C16orf96: variants seen among roughly 807,000 people sequenced by gnomAD.
The protein encoded by C16orf96 is uncharacterized protein C16orf96.
A neutral mutation model predicts 103.6 loss-of-function variants in C16orf96; 108 were observed. The ratio of observed to expected loss-of-function variants is 1.04; its 90% CI spans 0.89 to 1.22. The LOEUF is 1.22. Ranked by LOEUF, C16orf96 falls within the 50% of genes most tolerant of loss-of-function variation. The pLI, the probability that C16orf96 is intolerant of heterozygous loss-of-function variation, is 0.00. For synonymous variants in C16orf96, 566 were observed against 593.5 expected, an observed-to-expected ratio of 0.95 and a Z score of 0.67; for missense variants, 1,586 against 1,464.2, an observed-to-expected ratio of 1.08 and a Z score of -1.36.
intron 1 of C16orf96, 144 bp from the exon 2 acceptor site, chr16:4,571,417 T>C (rs1388216740): frequency 1.6e-6 from 1 of 635,530 alleles, no homozygotes; most frequent in African/African-American, 1.8e-5. Context: ...TAGCATCTCC[T>C]GGTCCCCTTG....
chr16:4,547,649 TTTCCTTCCTTCC>T, the C16orf96 span, among the ~76,000 whole-genome samples: 1 of 119,094 alleles, frequency 8.4e-6, no homozygotes, highest in Non-Finnish European at 1.7e-5. Flanking sequence ...TCTTTCTTTC[TTTCCTTCCTTCC>T]TTCCTTCCTT....
chr16:4,580,003 T>A lies in C16orf96; in HGVS notation c.2242-12T>A. ...AGCAGAGGCCTGGGGTGTCTGTGTC[T>A]CCCCCTTTTAGGAGGAAGAACTTGA... On this transcript the variant is annotated splice_polypyrimidine_tract_variant and intron_variant, in intron 6 of 15. Coordinates refer to ENST00000444310, the MANE Select transcript of C16orf96 (RefSeq NM_001145011.2). 6.5e-7 allele frequency: 1 copy of A among 1,542,654 alleles called. No homozygotes were observed. Among genetic ancestry groups the A allele is most frequent in the Non-Finnish European group, 8.8e-7 (1 of 1,139,172 alleles).
In C16orf96 at chr16:4,574,794, G is replaced by C. The variant is rs1304327005; in HGVS notation, c.606+5G>C. 7.7e-6 allele frequency: 12 copies of C among 1,551,298 alleles called. No individual in the cohort carries two copies. Among genetic ancestry groups the C allele is most frequent in the Non-Finnish European group, 9.6e-6 (11 of 1,146,904 alleles). On this transcript the variant is annotated splice_donor_5th_base_variant and intron_variant, in intron 3 of 15. Coordinates refer to ENST00000444310, the MANE Select transcript of C16orf96 (RefSeq NM_001145011.2). ...GTTGCACTGCAGCGGGAAGTGGTGA[G>C]GGCCACCATCCCTGTCTTCCCCCAC...
chr16:4,564,935 C>T (rs372882180), intron 1 of C16orf96, among the ~76,000 whole-genome samples: 3 of 152,186 alleles, frequency 2.0e-5, no homozygotes, highest in Admixed American at 1.3e-4. Context: ...GTAATGGTAA[C>T]GAACACTCAG....
chr16:4,556,920 A>G lies in C16orf96; in HGVS notation c.420+11A>G. 1 of 1,529,838 alleles carries G rather than the reference A, an allele frequency of 6.5e-7. No homozygotes were observed. The highest frequency in any genetic ancestry group is 8.8e-7 in the Non-Finnish European group (1 of 1,132,560). 94.8% of individuals were successfully genotyped at this position (1,529,838 alleles called of 1,614,324 possible). On this transcript the variant is annotated intron_variant, in intron 1 of 15. Transcript: ENST00000444310. The stretch of plus-strand genomic sequence containing the variant: ...GAAGTCATGGCCAAGGTACGCCCCC[A>G]GCCTCCAGACACTTCTTTTCCTCCC...
intron 9 of C16orf96, among the ~76,000 whole-genome samples, chr16:4,589,645 T>C (rs571810757): frequency 1.3e-5 from 2 of 151,390 alleles, no homozygotes; most frequent in South Asian, 4.2e-4. Context: ...AAGCAACACA[T>C]GAAGAGATTT....
At chr16:4,595,800 G>T (rs1370959771) in intron 14 of C16orf96, among the ~76,000 whole-genome samples, 3 of 151,882 alleles carry the variant, frequency 2.0e-5, no homozygotes, top group African/African-American at 7.3e-5. Flanking sequence ...TCCAACTCCC[G>T]GGTTCAAGCG....
chr16:4,598,785 C>T (rs1225439854), intron 14 of C16orf96, among the ~76,000 whole-genome samples: 2 of 152,158 alleles, frequency 1.3e-5, no homozygotes, highest in African/African-American at 4.8e-5. Context: ...TTCAAAGAGC[C>T]TTCTTTTCTT....
the C16orf96 span, among the ~76,000 whole-genome samples, chr16:4,547,209 A>G: frequency 6.6e-6 from 1 of 152,174 alleles, no homozygotes; most frequent in Non-Finnish European, 1.5e-5. Flanking sequence ...ATCTTGGCTC[A>G]CTGGAACCTC....
At chr16:4,549,466 C>G in the C16orf96 span, among the ~76,000 whole-genome samples, 13 of 135,352 alleles carry the variant, frequency 9.6e-5, no homozygotes, top group Admixed American at 9.2e-4. Flanking sequence ...GAGCAAGACT[C>G]TGTCTAAAAA....
rs1223299965 is a variant in C16orf96, at chr16:4,575,559, C to T, written c.1079C>T (p.Pro360Leu). 1 of 1,534,112 alleles carries T rather than the reference C, an allele frequency of 6.5e-7. No homozygotes were observed. Among genetic ancestry groups the T allele is most frequent in the Non-Finnish European group, 8.8e-7 (1 of 1,141,576 alleles). Reference sequence around the variant, plus strand: ...CCTGTCCCAGGGCCCAGTGTGACACCTGGGTCCTTGCCAGCACCTTGGCCT... The same window carrying T: ...CCTGTCCCAGGGCCCAGTGTGACACTTGGGTCCTTGCCAGCACCTTGGCCT... ...LGPVPGPSVTPGSLPAPWPVL... is the reference protein window; with the variant it reads ...LGPVPGPSVTLGSLPAPWPVL... Residue 360 changes from proline to leucine, a missense_variant, in exon 5 of 16, where the codon CCT becomes CTT. Transcript: ENST00000444310.
intron 1 of C16orf96, chr16:4,559,909 A>G (rs1333722949): frequency 1.3e-5 from 2 of 152,254 alleles, no homozygotes; most frequent in Non-Finnish European, 2.9e-5. Context: ...AGGGGGGAAC[A>G]GAGAGAGACT....
rs2059489044 is a variant in C16orf96, at chr16:4,575,283, C to T, written c.803C>T (p.Ser268Phe). ...GAAGCTACTCGTGCCATCCAGGTCT[C>T]CGAGCCCGTCCAAAACCCCCAGCTA... ...YLEATRAIQV[S>F]EPVQNPQLLQ... The change falls in exon 5 of 16, where the codon TCC (serine) becomes TTC (phenylalanine). Residue 268 changes from serine to phenylalanine, a missense_variant. Coordinates refer to ENST00000444310, the MANE Select transcript of C16orf96 (RefSeq NM_001145011.2). 1 of 1,550,700 alleles carries T rather than the reference C, an allele frequency of 6.4e-7. No individual in the cohort carries two copies. The highest frequency in any genetic ancestry group is 2.0e-5 in the Admixed American group (1 of 50,990).
At chr16:4,555,334 G>A (rs1417160600), upstream of C16orf96, among the ~76,000 whole-genome samples, 2 of 150,916 alleles carry the variant, frequency 1.3e-5, no homozygotes, top group African/African-American at 4.9e-5. Context: ...CACTGTGGGG[G>A]GCCTTTGGAT....
intron 9 of C16orf96, among the ~76,000 whole-genome samples, chr16:4,590,622 C>T (rs961018468): frequency 1.1e-4 from 16 of 151,958 alleles, no homozygotes; most frequent in Admixed American, 4.6e-4. Flanking sequence ...CGGTGGCTCA[C>T]ACCTGTAATC....
intron 1 of C16orf96, among the ~76,000 whole-genome samples, chr16:4,571,203 G>T (rs1445902607): frequency 6.6e-6 from 1 of 151,906 alleles, no homozygotes; most frequent in Admixed American, 6.6e-5. Context: ...AAAAGTAAAT[G>T]CAACCCTGTC....
At chr16:4,586,795 G>T (rs1244050201) in intron 7 of C16orf96, among the ~76,000 whole-genome samples, 1 of 152,186 alleles carries the variant, frequency 6.6e-6, no homozygotes. Flanking sequence ...AACTCCCCGT[G>T]GAGGAAAGTT....
the C16orf96 span, among the ~76,000 whole-genome samples, chr16:4,539,336 G>A: frequency 1.3e-5 from 2 of 152,262 alleles, no homozygotes; most frequent in South Asian, 4.1e-4. Flanking sequence ...CCCCCTTGTT[G>A]CCTGAGAACC....
At position 4,575,746 on chromosome 16, in the gene C16orf96, G is replaced by A; in HGVS notation, c.1266G>A (p.Arg422=). Residue 422 remains arginine, a synonymous_variant, in exon 5 of 16, where the codon AGG becomes AGA. Coordinates refer to ENST00000444310, the MANE Select transcript of C16orf96 (RefSeq NM_001145011.2). ...GGCCAACTCAGCCCCAACCCTCCAGGGCCCCACCACCAGCCACTGAGTTTG... is the reference window on the plus strand; with the variant it reads ...GGCCAACTCAGCCCCAACCCTCCAGAGCCCCACCACCAGCCACTGAGTTTG... ...VLRPTQPQPS[R]APPPATEFGS... is the part of the protein sequence containing the mutation. 1.9e-6 allele frequency: 3 copies of A among 1,545,658 alleles called. No individual in the cohort carries two copies. The highest frequency in any genetic ancestry group is 2.6e-6 in the Non-Finnish European group (3 of 1,144,392).
Sources: allele counts gnomAD v4.1 joint callset (sites outside exome capture counted in the v4.1 genomes callset), GRCh38; gene constraint gnomAD v4.1.1; transcripts MANE v1.5; gene names NCBI Gene and HGNC (gene_info 2026-07-23, HGNC 2026-07-21).